PLCB1: variants seen among roughly 807,000 people sequenced by gnomAD.
PLCB1 encodes the protein phospholipase C beta 1.
Under a neutral mutation model 161.8 loss-of-function variants are expected in PLCB1, and 46 were observed. The observed-to-expected ratio is 0.28, with a 90% CI of 0.22 to 0.36. PLCB1 has a LOEUF of 0.36. Among genes scored for constraint, PLCB1 ranks in the 10% least tolerant of loss-of-function variants. The pLI is 1.00. For missense variants in PLCB1, 1,016 were observed against 1,472.5 expected (o/e 0.69, Z 5.07); for synonymous variants, 517 against 503.7 (o/e 1.03, Z -0.35).
At chr20:8,396,757 C>T (rs1322284979) in intron 3 of PLCB1, among the ~76,000 whole-genome samples, 2 of 151,982 alleles carry the variant, frequency 1.3e-5, no homozygotes, top group Non-Finnish European at 2.9e-5. Context: ...AAACTGTGTT[C>T]ATCTATATAT....
At chr20:8,331,641 A>G (rs1019543518) in intron 2 of PLCB1, among the ~76,000 whole-genome samples, 2 of 152,188 alleles carry the variant, frequency 1.3e-5, no homozygotes, top group Admixed American at 6.5e-5. Context: ...GTGGCTTTGG[A>G]ATATTTTGAT....
intron 3 of PLCB1, among the ~76,000 whole-genome samples, chr20:8,507,028 C>T (rs556777796): frequency 1.3e-5 from 2 of 152,236 alleles, no homozygotes; most frequent in Admixed American, 6.5e-5. Context: ...TTACCAATAA[C>T]ATAGTCAATT....
At chr20:8,392,023 C>T (rs1483941920) in intron 3 of PLCB1, among the ~76,000 whole-genome samples, 2 of 151,678 alleles carry the variant, frequency 1.3e-5, no homozygotes, top group Admixed American at 6.6e-5. Context: ...CTTTAGGACT[C>T]ATAATAAACT....
At chr20:8,221,855 T>A (rs1979430322) in intron 2 of PLCB1, among the ~76,000 whole-genome samples, 1 of 152,160 alleles carries the variant, frequency 6.6e-6, no homozygotes, top group African/African-American at 2.4e-5. Context: ...CCTATACTCC[T>A]CAAACATCTC....
At chr20:8,727,420 A>G (rs1600280058) in intron 17 of PLCB1, 27 bp downstream of exon 17, 2 of 1,174,216 alleles carry the variant, frequency 1.7e-6, no homozygotes, top group Non-Finnish European at 2.5e-6. Flanking sequence ...GAATGACTGC[A>G]GAATGAACAC....
intron 3 of PLCB1, among the ~76,000 whole-genome samples, chr20:8,543,976 A>T (rs1985439006): frequency 1.3e-5 from 2 of 152,176 alleles, no homozygotes; most frequent in Admixed American, 1.3e-4. Flanking sequence ...TCTTCATAGC[A>T]GTGTGAGAAT....
rs111484799 is a variant in PLCB1, at chr20:8,212,622, G to A, written c.177+62251G>A. On this transcript the variant is annotated intron_variant, in intron 2 of 31. Transcript: ENST00000338037. Reference sequence around the variant, plus strand: ...TAAAATTAGAGAAAACACAAGCCACGTAGGCATACAAAACGCAAAAGATGA... The same window carrying A: ...TAAAATTAGAGAAAACACAAGCCACATAGGCATACAAAACGCAAAAGATGA... Among the ~76,000 whole-genome samples the A allele has an allele frequency of 3.9e-5, 6 of 152,160 alleles. No homozygotes were observed. The South Asian group carries it at 6.2e-4, about 16-fold the overall frequency.
intron 26 of PLCB1, among the ~76,000 whole-genome samples, chr20:8,771,893 C>G (rs199596359): frequency 4.1e-4 from 4 of 9,690 alleles, no homozygotes; most frequent in South Asian, 2.7e-3. Context: ...TCCTTCCTTC[C>G]TTCCTTTCGA....
chr20:8,315,183 G>A, intron 2 of PLCB1, among the ~76,000 whole-genome samples: 1 of 152,164 alleles, frequency 6.6e-6, no homozygotes. Flanking sequence ...TGTAGGAGAA[G>A]CTGGCTCCTT....
chr20:8,821,571 T>C (rs1985422334), intron 31 of PLCB1, among the ~76,000 whole-genome samples: 1 of 134,588 alleles, frequency 7.4e-6, no homozygotes, highest in African/African-American at 2.7e-5. Flanking sequence ...AAATGACACT[T>C]TTAAAAATGG....
chr20:8,687,119 G>A, intron 10 of PLCB1, among the ~76,000 whole-genome samples: 1 of 151,610 alleles, frequency 6.6e-6, no homozygotes, highest in Non-Finnish European at 1.5e-5. Context: ...CCGATCTCCT[G>A]GGCTCAAGCA....
At chr20:8,812,341 T>C (rs1331147440) in intron 31 of PLCB1, among the ~76,000 whole-genome samples, 1 of 152,038 alleles carries the variant, frequency 6.6e-6, no homozygotes, top group African/African-American at 2.4e-5. Flanking sequence ...ACCTCATATC[T>C]TGTGTGTCTT....
intron 3 of PLCB1, among the ~76,000 whole-genome samples, chr20:8,586,697 T>C (rs1166641264): frequency 6.6e-6 from 1 of 152,182 alleles, no homozygotes; most frequent in South Asian, 2.1e-4. Context: ...GAATCCCCTT[T>C]TCACATTTTC....
intron 3 of PLCB1, among the ~76,000 whole-genome samples, chr20:8,552,089 G>A (rs1260736661): frequency 6.6e-6 from 1 of 152,100 alleles, no homozygotes; most frequent in Non-Finnish European, 1.5e-5. Flanking sequence ...CAGTGGTCAT[G>A]ACCACTTCAT....
intron 7 of PLCB1, chr20:8,653,668 C>G (rs756065774): frequency 5.9e-5 from 9 of 151,500 alleles, no homozygotes; most frequent in Non-Finnish European, 1.2e-4. Context: ...GATTTTTTTC[C>G]GAAATTTAAG....
chr20:8,361,701 T>TA (rs1328568411), intron 2 of PLCB1, among the ~76,000 whole-genome samples: 2 of 152,230 alleles, frequency 1.3e-5, no homozygotes, highest in African/African-American at 4.8e-5. Context: ...CACTGCCAGT[T>TA]AAAAAAACTT....
intron 2 of PLCB1, among the ~76,000 whole-genome samples, chr20:8,237,338 C>G (rs1980380325): frequency 6.6e-6 from 1 of 151,794 alleles, no homozygotes; most frequent in Non-Finnish European, 1.5e-5. Context: ...GCTCTAGTGT[C>G]AAGGGAAATA....
At chr20:8,270,157 T>A (rs1452993764) in intron 2 of PLCB1, among the ~76,000 whole-genome samples, 1 of 152,160 alleles carries the variant, frequency 6.6e-6, no homozygotes, top group South Asian at 2.1e-4. Context: ...TCCGGAGATG[T>A]TGCATAGCAC....
At chr20:8,853,731 C>T (rs1986968006) in intron 31 of PLCB1, among the ~76,000 whole-genome samples, 2 of 152,160 alleles carry the variant, frequency 1.3e-5, no homozygotes, top group African/African-American at 2.4e-5. Flanking sequence ...GAAAAGAGAA[C>T]ATTTCCCTAG....
Sources: allele counts gnomAD v4.1 joint callset (sites outside exome capture counted in the v4.1 genomes callset), GRCh38; gene constraint gnomAD v4.1.1; transcripts MANE v1.5; gene names NCBI Gene and HGNC (gene_info 2026-07-23, HGNC 2026-07-21).